NECAB1: variants seen among roughly 807,000 people sequenced by gnomAD.
NECAB1 encodes N-terminal EF-hand calcium-binding protein 1.
Under a neutral mutation model 57.5 loss-of-function variants are expected in NECAB1, and 29 were observed. That is an observed-to-expected ratio of 0.50 (90% CI 0.38 to 0.69). The LOEUF (loss-of-function observed/expected upper bound fraction) is 0.69. NECAB1 is among the 30% of genes least tolerant of loss of function. The pLI is 0.00. For synonymous variants in NECAB1, 142 were observed against 147.7 expected (o/e 0.96, Z 0.28); for missense variants, 372 against 413.8 (o/e 0.90, Z 0.88).
At chr8:90,891,706 T>C (rs548709054) in intron 5 of NECAB1, among the ~76,000 whole-genome samples, 15 of 152,172 alleles carry the variant, frequency 9.9e-5, no homozygotes, top group South Asian at 4.1e-4. Context: ...TTTTCTTTTT[T>C]TTTTTAGATA....
intron 3 of NECAB1, among the ~76,000 whole-genome samples, chr8:90,860,771 A>G (rs1156501929): frequency 6.6e-6 from 1 of 152,172 alleles, no homozygotes; most frequent in African/African-American, 2.4e-5. Flanking sequence ...AGAAGATAGA[A>G]CACATGCAGG....
chr8:90,833,313 C>G (rs1247607746), intron 3 of NECAB1, among the ~76,000 whole-genome samples: 1 of 151,956 alleles, frequency 6.6e-6, no homozygotes, highest in East Asian at 1.9e-4. Flanking sequence ...GTATTAAGGG[C>G]CTTTTCAAAC....
At chr8:90,920,948 T>C (rs990212032) in intron 6 of NECAB1, among the ~76,000 whole-genome samples, 17 of 152,202 alleles carry the variant, frequency 1.1e-4, no homozygotes, top group Non-Finnish European at 7.4e-5. Context: ...GAGACCAATC[T>C]AACAGTCATC....
At chr8:90,874,616 T>C (rs1463766606) in intron 4 of NECAB1, among the ~76,000 whole-genome samples, 1 of 152,228 alleles carries the variant, frequency 6.6e-6, no homozygotes, top group Non-Finnish European at 1.5e-5. Context: ...GAGATTATAC[T>C]ATATGATTAG....
intron 3 of NECAB1, among the ~76,000 whole-genome samples, chr8:90,844,761 G>A (rs144654224): frequency 1.0e-3 from 151 of 149,078 alleles, no homozygotes; most frequent in African/African-American, 3.0e-3. Flanking sequence ...AGATGAAAAG[G>A]CTTGACTTAG....
chr8:90,957,851 A>T lies in NECAB1; in HGVS notation c.*2339A>T, dbSNP rs1041183746. On this transcript the variant is annotated 3_prime_UTR_variant, in exon 13 of 13. Transcript: ENST00000417640. ...AAAATAAAAAAAAATTTAAAAAATT[A>T]AAAAATAAAAAAAAGAGGTCACTAA... 3.3e-5 allele frequency: 5 copies of T among 150,780 alleles called. No individual in the cohort carries two copies. Among genetic ancestry groups the T allele is most frequent in the African/African-American group, 7.2e-5 (3 of 41,442 alleles). The allele number at this position is 150,780 out of a possible 1,614,324, so 9.3% of individuals were successfully genotyped here.
At chr8:90,875,156 C>A (rs1024981945) in intron 4 of NECAB1, among the ~76,000 whole-genome samples, 7 of 152,066 alleles carry the variant, frequency 4.6e-5, no homozygotes, top group African/African-American at 1.7e-4. Flanking sequence ...TTTACTGAAC[C>A]GTTTTGCAGA....
At chr8:90,810,115 T>C (rs1811932393) in intron 2 of NECAB1, among the ~76,000 whole-genome samples, 1 of 152,216 alleles carries the variant, frequency 6.6e-6, no homozygotes, top group Non-Finnish European at 1.5e-5. Context: ...CTAAAAGTCT[T>C]AGCACTTAAC....
intron 1 of NECAB1, among the ~76,000 whole-genome samples, chr8:90,792,447 C>G (rs1417365592): frequency 6.6e-6 from 1 of 152,184 alleles, no homozygotes; most frequent in African/African-American, 2.4e-5. Flanking sequence ...CCCCAGACCC[C>G]CTCGGAAAAC....
At chr8:90,951,310 CTCT>C (rs1414176957) in intron 12 of NECAB1, 106 bp downstream of exon 12, 3 of 611,756 alleles carry the variant, frequency 4.9e-6, no homozygotes, top group Non-Finnish European at 5.6e-6. Context: ...CAATGGTACT[CTCT>C]TATTTATTTC....
intron 2 of NECAB1, among the ~76,000 whole-genome samples, chr8:90,819,492 G>C (rs1812109301): frequency 6.6e-6 from 1 of 151,900 alleles, no homozygotes; most frequent in African/African-American, 2.4e-5. Flanking sequence ...TAGTGGTAGG[G>C]CCAGAAGCTT....
At chr8:90,899,900 G>C (rs1042354294) in intron 5 of NECAB1, among the ~76,000 whole-genome samples, 3 of 151,894 alleles carry the variant, frequency 2.0e-5, no homozygotes, top group Admixed American at 2.0e-4. Flanking sequence ...GAATATTCTG[G>C]GACCTTAACT....
intron 5 of NECAB1, among the ~76,000 whole-genome samples, chr8:90,901,773 C>T (rs545454525): frequency 3.3e-5 from 5 of 152,200 alleles, no homozygotes; most frequent in African/African-American, 1.2e-4. Flanking sequence ...TGAATAGTAT[C>T]GCTCTCTCAC....
intron 8 of NECAB1, among the ~76,000 whole-genome samples, chr8:90,930,334 C>A (rs1810375960): frequency 6.6e-6 from 1 of 152,076 alleles, no homozygotes; most frequent in Non-Finnish European, 1.5e-5. Context: ...AGGATTGGAG[C>A]CTGTGTTTCT....
chr8:90,823,808 G>C (rs1299977351), intron 2 of NECAB1, among the ~76,000 whole-genome samples: 1 of 151,818 alleles, frequency 6.6e-6, no homozygotes, highest in Non-Finnish European at 1.5e-5. Flanking sequence ...TTATTTGGCA[G>C]CTTATCTGAG....
intron 3 of NECAB1, among the ~76,000 whole-genome samples, chr8:90,844,632 T>TAC: frequency 6.6e-6 from 1 of 152,276 alleles, no homozygotes; most frequent in South Asian, 2.1e-4. Flanking sequence ...GTTTTCATCT[T>TAC]ACAGGCTTGA....
chr8:90,944,715 A>G (rs1810758064), intron 10 of NECAB1, among the ~76,000 whole-genome samples: 1 of 152,200 alleles, frequency 6.6e-6, no homozygotes, highest in Non-Finnish European at 1.5e-5. Flanking sequence ...CTAAAATTTC[A>G]TAGTCGTTAA....
chr8:90,801,723 CA>C lies in NECAB1; in HGVS notation c.124+13del. The C allele has an allele frequency of 6.6e-7, 1 of 1,504,214 alleles. No homozygotes were observed. Among genetic ancestry groups the C allele is most frequent in the Non-Finnish European group, 9.0e-7 (1 of 1,113,458 alleles). 93.2% of individuals were successfully genotyped at this position (1,504,214 alleles called of 1,614,324 possible). On this transcript the variant is annotated intron_variant, in intron 2 of 12. Transcript: ENST00000417640. ...GGAGAGCAGACAAAAATGGTAAGAC[CA>C]AAAATCTACAGTATCTATTTATTAA...
chr8:90,831,752 C>T lies in NECAB1; in HGVS notation c.233+6927C>T, dbSNP rs115147179. 9.1e-3 allele frequency among the ~76,000 whole-genome samples: 1,388 copies of T among 152,218 alleles called. 21 individuals are homozygous for T. Among genetic ancestry groups the T allele is most frequent in the African/African-American group, 0.031 (1,295 of 41,544 alleles). On this transcript the variant is annotated intron_variant, in intron 3 of 12. Coordinates refer to ENST00000417640, the MANE Select transcript of NECAB1 (RefSeq NM_022351.5). ...TGGTCTTGACAGCTCTTTGTATTTT[C>T]AGCAACTTCCAAAACTTAGATTTTG...
Sources: gnomAD v4.1 joint callset for allele counts (sites outside exome capture counted in the v4.1 genomes callset) on GRCh38, gnomAD v4.1.1 for gene constraint, MANE v1.5 for transcripts, NCBI Gene and HGNC (gene_info 2026-07-23, HGNC 2026-07-21) for gene names.